CCDC171: variants seen among roughly 807,000 people sequenced by gnomAD.
CCDC171 encodes the protein coiled-coil domain-containing protein 171.
CCDC171 carries 177 observed loss-of-function variants against 168.2 expected under a neutral mutation model. That is an observed-to-expected ratio of 1.05 (90% CI 0.93 to 1.19). The LOEUF (loss-of-function observed/expected upper bound fraction) is 1.19. Among genes scored for constraint, CCDC171 ranks in the 50% most tolerant of loss-of-function variants. The pLI is 0.00. For synonymous variants in CCDC171, 687 were observed against 540.8 expected, an observed-to-expected ratio of 1.27 and a Z score of -3.75; for missense variants, 1,991 against 1,539.0, an observed-to-expected ratio of 1.29 and a Z score of -4.91.
chr9:16,032,224 G>C (rs1022507921), intron 6 of CCDC171, among the ~76,000 whole-genome samples: 1 of 152,194 alleles, frequency 6.6e-6, no homozygotes, highest in Non-Finnish European at 1.5e-5. Flanking sequence ...TCTGGAATGA[G>C]CATGCTGGCA....
intron 11 of CCDC171, among the ~76,000 whole-genome samples, chr9:15,714,460 T>G (rs1377718496): frequency 5.3e-5 from 8 of 152,132 alleles, no homozygotes; most frequent in Non-Finnish European, 7.4e-5. Context: ...CAGCTAAAAC[T>G]CAGTTAATTA....
intron 8 of CCDC171, among the ~76,000 whole-genome samples, chr9:15,664,358 C>G (rs2048558358): frequency 6.6e-6 from 1 of 152,274 alleles, no homozygotes; most frequent in African/African-American, 2.4e-5. Context: ...AAGTGATCTG[C>G]CCGCCTCTGT....
chr9:15,891,920 C>G (rs1390306880), intron 24 of CCDC171, among the ~76,000 whole-genome samples: 1 of 152,020 alleles, frequency 6.6e-6, no homozygotes, highest in Non-Finnish European at 1.5e-5. Context: ...ATGCTGGGAG[C>G]CTATGGGACG....
intron 7 of CCDC171, among the ~76,000 whole-genome samples, chr9:15,637,767 A>G (rs868297464): frequency 3.3e-5 from 5 of 151,592 alleles, no homozygotes; most frequent in Non-Finnish European, 5.9e-5. Context: ...ATGATTTCCA[A>G]TTTCATCCAT....
intron 4 of CCDC171, among the ~76,000 whole-genome samples, chr9:16,022,110 G>A (rs1833182666): frequency 6.6e-6 from 1 of 152,154 alleles, no homozygotes; most frequent in African/African-American, 2.4e-5. Flanking sequence ...GGACACAGTG[G>A]CCATGATTGG....
Position 15,744,744 on chromosome 9 carries a change from A to T in CCDC171, c.2521A>T (p.Thr841Ser). 1 of 1,613,784 alleles carries T rather than the reference A, an allele frequency of 6.2e-7. No homozygotes were observed. The highest frequency in any genetic ancestry group is 8.5e-7 in the Non-Finnish European group (1 of 1,179,894). ...AGAAGGCATAGGCATGTTAGTGTGC[A>T]CAGGAGAGCCCCAAGACAAGCATAA... ...FKEGIGMLVC[T>S]GEPQDKHKFP... The change falls in exon 17 of 26, where the codon ACA (threonine) becomes TCA (serine). Residue 841 changes from threonine to serine, a missense_variant. By Grantham distance (58) the Thr-to-Ser change is moderately conservative (BLOSUM62 1). Transcript: ENST00000380701.
At chr9:15,915,152 A>T (rs994552160) in intron 24 of CCDC171, among the ~76,000 whole-genome samples, 2 of 151,738 alleles carry the variant, frequency 1.3e-5, no homozygotes, top group African/African-American at 4.8e-5. Flanking sequence ...GTTTTTTCTA[A>T]CTCTTTGAAA....
chr9:15,906,611 C>A (rs200935083), intron 24 of CCDC171, among the ~76,000 whole-genome samples: 9 of 152,108 alleles, frequency 5.9e-5, no homozygotes, highest in East Asian at 3.9e-4. Flanking sequence ...GAAAACTGGC[C>A]CAAGACAGGG....
At chr9:15,959,803 G>C (rs1165827293) in intron 25 of CCDC171, among the ~76,000 whole-genome samples, 1 of 152,152 alleles carries the variant, frequency 6.6e-6, no homozygotes, top group Non-Finnish European at 1.5e-5. Context: ...CTATGGACTG[G>C]CATTTGGACT....
chr9:15,907,656 A>T (rs1404346351), intron 24 of CCDC171, among the ~76,000 whole-genome samples: 3 of 152,250 alleles, frequency 2.0e-5, no homozygotes, highest in Non-Finnish European at 4.4e-5. Context: ...AAATTGACAG[A>T]TGGGATCTAA....
intron 21 of CCDC171, among the ~76,000 whole-genome samples, chr9:15,787,046 C>T (rs1005423202): frequency 1.3e-5 from 2 of 152,072 alleles, no homozygotes; most frequent in Non-Finnish European, 2.9e-5. Context: ...TATATGGACA[C>T]GCGTGACAGT....
chr9:15,600,825 C>T (rs2042787642), intron 6 of CCDC171, among the ~76,000 whole-genome samples: 1 of 152,346 alleles, frequency 6.6e-6, no homozygotes, highest in East Asian at 1.9e-4. Flanking sequence ...CTACTCAAGC[C>T]TCCACAATGG....
intron 3 of CCDC171, among the ~76,000 whole-genome samples, chr9:16,009,269 G>A (rs1438755029): frequency 6.6e-6 from 1 of 152,010 alleles, no homozygotes; most frequent in Non-Finnish European, 1.5e-5. Context: ...TAGCTAAAAA[G>A]GAAACTTCTG....
At chr9:15,660,672 G>A (rs561626817) in intron 8 of CCDC171, among the ~76,000 whole-genome samples, 24 of 152,244 alleles carry the variant, frequency 1.6e-4, no homozygotes, top group South Asian at 1.2e-3. Flanking sequence ...TTATGGCTGC[G>A]TAGTAATCCA....
At chr9:15,934,040 C>A (rs1227507574) in intron 25 of CCDC171, among the ~76,000 whole-genome samples, 2 of 151,792 alleles carry the variant, frequency 1.3e-5, no homozygotes, top group African/African-American at 4.8e-5. Context: ...TCCCTGATAT[C>A]CATACTATGC....
intron 21 of CCDC171, among the ~76,000 whole-genome samples, chr9:15,786,534 C>T (rs1192537958): frequency 1.3e-5 from 2 of 151,926 alleles, no homozygotes; most frequent in African/African-American, 4.8e-5. Context: ...TTTTTACTTA[C>T]TTCAAACACC....
intron 1 of CCDC171, among the ~76,000 whole-genome samples, chr9:16,044,723 G>A (rs1181714692): frequency 6.6e-6 from 1 of 151,966 alleles, no homozygotes; most frequent in African/African-American, 2.4e-5. Flanking sequence ...GGACGCTCTG[G>A]GCCTCATGCA....
intron 16 of CCDC171, among the ~76,000 whole-genome samples, chr9:15,734,621 A>G (rs1481461151): frequency 6.6e-6 from 1 of 152,190 alleles, no homozygotes; most frequent in East Asian, 1.9e-4. Flanking sequence ...TTTATCAAAT[A>G]TAATTGAATA....
At chr9:15,654,837 G>A (rs1161305887) in intron 7 of CCDC171, among the ~76,000 whole-genome samples, 4 of 152,170 alleles carry the variant, frequency 2.6e-5, no homozygotes, top group Admixed American at 6.5e-5. Flanking sequence ...AGCGTGAGCC[G>A]AAGCAGAGTG....
Sources: gnomAD v4.1 joint callset for allele counts (sites outside exome capture counted in the v4.1 genomes callset) on GRCh38, gnomAD v4.1.1 for gene constraint, MANE v1.5 for transcripts, NCBI Gene and HGNC (gene_info 2026-07-23, HGNC 2026-07-21) for gene names.